The following BAZ2B variants were observed in gnomAD, a reference collection of about 807,000 sequenced individuals.
BAZ2B encodes the protein bromodomain adjacent to zinc finger domain protein 2B.
In BAZ2B, 91 loss-of-function variants were observed where a neutral mutation model predicts 246.0. The ratio of observed to expected loss-of-function variants is 0.37; its 90% CI spans 0.31 to 0.44. The LOEUF (loss-of-function observed/expected upper bound fraction) is 0.44, where lower values mean the gene tolerates loss of function less well. Among genes scored for constraint, BAZ2B ranks in the 20% least tolerant of loss-of-function variants. The probability of loss-of-function intolerance (pLI) is 1.00; values close to 1 mark genes in which losing one functional copy is unlikely to be tolerated. For missense variants in BAZ2B, 2,332 were observed against 2,533.7 expected, an observed-to-expected ratio of 0.92 and a Z score of 1.71; for synonymous variants, 855 against 860.0, an observed-to-expected ratio of 0.99 and a Z score of 0.10.
intron 1 of BAZ2B, among the ~76,000 whole-genome samples, chr2:159,560,349 G>A (rs2089699740): frequency 6.6e-6 from 1 of 152,010 alleles, no homozygotes; most frequent in Non-Finnish European, 1.5e-5. Context: ...GATTTTGTGT[G>A]TGCTCTATGC....
At chr2:159,441,503 G>C (rs888920717) in intron 6 of BAZ2B, among the ~76,000 whole-genome samples, 40 of 137,652 alleles carry the variant, frequency 2.9e-4, no homozygotes, top group African/African-American at 1.0e-3. Flanking sequence ...GAGAAGACAA[G>C]TGTGAGTATT....
chr2:159,499,270 T>C (rs577951825), intron 2 of BAZ2B, among the ~76,000 whole-genome samples: 14 of 152,342 alleles, frequency 9.2e-5, no homozygotes, highest in Non-Finnish European at 1.6e-4. Context: ...CGTGAAAACA[T>C]GCCATGTTTG....
chr2:159,349,246 A>G lies in BAZ2B; in HGVS notation c.4898T>C (p.Phe1633Ser). The change falls in exon 29 of 37, where the codon TTT becomes TCT. Residue 1633 changes from phenylalanine (F) to serine (S), a missense_variant. Phe to Ser is a radical substitution (Grantham distance 155). This residue lies in a region of BAZ2B where 676 missense variants were observed against 668.6 expected (regional missense o/e 1.01). Transcript: ENST00000392783. Reference protein sequence around the residue: ...KGGVSMMGLQFCGWPTGVVTS... With the variant: ...KGGVSMMGLQSCGWPTGVVTS... ...AACCACACCAGTGGGCCATCCACAA[A>G]ACTGAAGTCCCATCATAGATACTCC... 2 of 1,613,390 alleles carry G rather than the reference A, an allele frequency of 1.2e-6. No homozygotes were observed. Among genetic ancestry groups the G allele is most frequent in the Non-Finnish European group, 1.7e-6 (2 of 1,179,410 alleles).
intron 1 of BAZ2B, among the ~76,000 whole-genome samples, chr2:159,575,537 T>C (rs1685094476): frequency 6.6e-6 from 1 of 152,122 alleles, no homozygotes; most frequent in Non-Finnish European, 1.5e-5. Flanking sequence ...AACACCCAAA[T>C]GATCCAAATG....
At chr2:159,388,942 T>G (rs2062974785) in intron 21 of BAZ2B, among the ~76,000 whole-genome samples, 1 of 152,154 alleles carries the variant, frequency 6.6e-6, no homozygotes, top group South Asian at 2.1e-4. Flanking sequence ...TAGCCAGGCA[T>G]GGTGGCAAGC....
At chr2:159,581,274 C>T (rs540601118) in intron 1 of BAZ2B, among the ~76,000 whole-genome samples, 62 of 152,278 alleles carry the variant, frequency 4.1e-4, no homozygotes, top group African/African-American at 1.3e-3. Flanking sequence ...TACGAACAGA[C>T]ACTTCTCAAA....
At chr2:159,593,910 C>T (rs1210385111) in intron 1 of BAZ2B, among the ~76,000 whole-genome samples, 1 of 152,168 alleles carries the variant, frequency 6.6e-6, no homozygotes, top group African/African-American at 2.4e-5. Context: ...CTAACCAGGC[C>T]TGTCCCTGCT....
intron 2 of BAZ2B, among the ~76,000 whole-genome samples, chr2:159,555,258 T>C (rs909099127): frequency 1.3e-5 from 2 of 151,790 alleles, no homozygotes; most frequent in Non-Finnish European, 2.9e-5. Flanking sequence ...TGCCCAGCTA[T>C]TTTTGTATTT....
At chr2:159,522,130 T>C (rs2084202115) in intron 2 of BAZ2B, among the ~76,000 whole-genome samples, 1 of 152,046 alleles carries the variant, frequency 6.6e-6, no homozygotes, top group South Asian at 2.1e-4. Flanking sequence ...ATTAATATTT[T>C]CAAAAATAAG....
chr2:159,511,047 C>T (rs13387333), intron 2 of BAZ2B, among the ~76,000 whole-genome samples: 11,094 of 152,040 alleles, frequency 0.073, 775 homozygotes, highest in African/African-American at 0.19. Flanking sequence ...TTAGTAATAG[C>T]GCAGATTGTC....
intron 1 of BAZ2B, among the ~76,000 whole-genome samples, chr2:159,607,034 T>C (rs1693667307): frequency 6.6e-6 from 1 of 152,058 alleles, no homozygotes; most frequent in East Asian, 1.9e-4. Flanking sequence ...TTTATATTTT[T>C]AGTAGAGACA....
At chr2:159,315,867 C>A (rs772581497), downstream of BAZ2B, among the ~76,000 whole-genome samples, 23 of 152,112 alleles carry the variant, frequency 1.5e-4, no homozygotes, top group Non-Finnish European at 2.9e-4. Context: ...GTTTTCATTT[C>A]TAGAGGAATT....
At chr2:159,599,244 A>G (rs1415319189) in intron 1 of BAZ2B, among the ~76,000 whole-genome samples, 1 of 152,224 alleles carries the variant, frequency 6.6e-6, no homozygotes, top group African/African-American at 2.4e-5. Flanking sequence ...CTGGAAAACT[A>G]GCCTGGTCCC....
chr2:159,320,240 A>G lies in BAZ2B; in HGVS notation c.*25T>C. Reference sequence around the variant, plus strand: ...TCTCATTTGTCCTTGTTTAGAAGGAAAAAAATAAAGAGATTATTATAACTT... The same window carrying G: ...TCTCATTTGTCCTTGTTTAGAAGGAGAAAAATAAAGAGATTATTATAACTT... On this transcript the variant is annotated 3_prime_UTR_variant, in exon 37 of 37. Coordinates refer to ENST00000392783, the MANE Select transcript of BAZ2B (RefSeq NM_013450.4). 8.6e-6 allele frequency: 13 copies of G among 1,504,682 alleles called. No individual in the cohort carries two copies. Among genetic ancestry groups the G allele is most frequent in the Non-Finnish European group, 1.1e-5 (12 of 1,136,954 alleles). 93.2% of individuals were successfully genotyped at this position (1,504,682 alleles called of 1,614,324 possible).
chr2:159,467,056 A>G (rs2077151833), intron 3 of BAZ2B, among the ~76,000 whole-genome samples: 2 of 152,186 alleles, frequency 1.3e-5, no homozygotes, highest in Admixed American at 1.3e-4. Context: ...CAGCTTTATG[A>G]AGATTTTCCA....
rs1328612121 is a variant in BAZ2B, at chr2:159,374,709, C to T, written c.4050G>A (p.Gln1350=). The change falls in exon 26 of 37, where the codon CAG becomes CAA. Residue 1350 remains glutamine (Q), a synonymous_variant. Coordinates refer to ENST00000392783, the MANE Select transcript of BAZ2B (RefSeq NM_013450.4). The part of the protein sequence containing the change: ...QAASVEELEK[Q]IEKLSKQQSQ... ...TGCTTACTTTACTCAGTTTTTCAAT[C>T]TGTTTTTCCAGCTCTTCAACACTTG... The T allele has an allele frequency of 6.2e-7, 1 of 1,612,854 alleles. No individual in the cohort carries two copies. Among genetic ancestry groups the T allele is most frequent in the African/African-American group, 1.3e-5 (1 of 74,898 alleles).
chr2:159,619,372 C>G (rs374129907), upstream of BAZ2B, among the ~76,000 whole-genome samples: 62 of 151,700 alleles, frequency 4.1e-4, no homozygotes, highest in East Asian at 8.9e-3. Context: ...CTTCTAAAGA[C>G]ATTTTAAAAT....
intron 21 of BAZ2B, among the ~76,000 whole-genome samples, 197 bp downstream of exon 21, chr2:159,389,148 G>A (rs763197958): frequency 6.6e-6 from 1 of 151,364 alleles, no homozygotes; most frequent in African/African-American, 2.4e-5. Context: ...CAAAAAAACC[G>A]CCATTACCAG....
chr2:159,425,102 A>G (rs544078676), intron 13 of BAZ2B, among the ~76,000 whole-genome samples: 8 of 152,358 alleles, frequency 5.3e-5, no homozygotes, highest in African/African-American at 1.9e-4. Context: ...ATCTCCATGC[A>G]TTTGGAAAAC....
Sources: gnomAD v4.1 joint callset for allele counts (sites outside exome capture counted in the v4.1 genomes callset) on GRCh38, gnomAD v4.1.1 for gene constraint, gnomAD v4.1.1 regional missense constraint, MANE v1.5 for transcripts, NCBI Gene and HGNC (gene_info 2026-07-23, HGNC 2026-07-21) for gene names.